The following ZP2 variants were observed in gnomAD, a reference collection of about 807,000 sequenced individuals.
ZP2 encodes zona pellucida glycoprotein 2, also known as zona pellucida sperm-binding protein 2.
A neutral mutation model predicts 84.0 loss-of-function variants in ZP2; 51 were observed. That is an observed-to-expected ratio of 0.61 (90% CI 0.49 to 0.77). The LOEUF is 0.77. Among genes scored for constraint, ZP2 ranks in the 30% least tolerant of loss-of-function variants. The pLI is 0.00. For missense variants in ZP2, 909 were observed against 911.9 expected (o/e 1.00, Z 0.04); for synonymous variants, 375 against 330.9 (o/e 1.13, Z -1.45).
At chr16:21,211,417 G>A (rs201699061) in intron 1 of ZP2, 22 bp from the exon 2 acceptor site, 139 of 1,614,114 alleles carry the variant, frequency 8.6e-5, no homozygotes, top group Admixed American at 4.2e-4. Flanking sequence ...CAGGGAGATA[G>A]TCAAGGAAGA....
chr16:21,211,846 C>A, upstream of ZP2: 3 of 1,280,478 alleles, frequency 2.3e-6, no homozygotes, highest in Non-Finnish European at 3.0e-6. Context: ...ATCTTTTGGG[C>A]AAATTATTTA....
Position 21,199,318 on chromosome 16 carries a change from C to CAAAAAAAAA in ZP2, c.1927+243_1927+251dup, listed in dbSNP as rs10644558. ...CTGGGCAACAAGAGCAAAACTGTCTCAAAAAAAAAAAAAAAAAAAAAAAAA... is the reference window on the plus strand; with the variant it reads ...CTGGGCAACAAGAGCAAAACTGTCTCAAAAAAAAAAAAAAAAAAAAAAAAAAAAAAAAAA... On this transcript the variant is annotated intron_variant, in intron 16 of 18. Transcript: ENST00000574091. 7.9e-4 allele frequency among the ~76,000 whole-genome samples: 36 copies of CAAAAAAAAA among 45,714 alleles called. 4 individuals are homozygous for CAAAAAAAAA. The highest frequency in any genetic ancestry group is 4.0e-3 in the African/African-American group (33 of 8,336). 30.0% of individuals were successfully genotyped at this position (45,714 alleles called of 152,430 possible). A position where few individuals can be genotyped will look rare whatever the true frequency, so the allele number is the denominator to read the frequency against.
intron 4 of ZP2, among the ~76,000 whole-genome samples, chr16:21,207,781 G>A (rs1261515516): frequency 7.9e-5 from 12 of 152,054 alleles, no homozygotes; most frequent in Non-Finnish European, 1.6e-4. Flanking sequence ...GCTTGAGTCC[G>A]GGAGGTAGAG....
chr16:21,206,606 C>T (rs2093250814), intron 5 of ZP2, among the ~76,000 whole-genome samples: 1 of 152,098 alleles, frequency 6.6e-6, no homozygotes, highest in African/African-American at 2.4e-5. Context: ...TGCCAAGTAC[C>T]ATGTATATAC....
At chr16:21,206,797 C>G (rs1453177388) in intron 5 of ZP2, 41 bp downstream of exon 5, 2 of 1,612,470 alleles carry the variant, frequency 1.2e-6, no homozygotes, top group Non-Finnish European at 1.7e-6. Context: ...ATTCCCCCTG[C>G]AGTAGCCATA....
chr16:21,204,289 C>T lies in ZP2; in HGVS notation c.790+19G>A. 2 of 1,613,884 alleles carry T rather than the reference C, an allele frequency of 1.2e-6. No individual in the cohort carries two copies. Among genetic ancestry groups the T allele is most frequent in the South Asian group, 2.2e-5 (2 of 91,056 alleles). The stretch of plus-strand genomic sequence containing the variant: ...GACAATGTCTCCCACACTGAGGTTG[C>T]AGCTATCTGGGACCTTACCTGGTGC... On this transcript the variant is annotated intron_variant, in intron 8 of 18. Transcript: ENST00000574091.
chr16:21,199,927 T>C, intron 14 of ZP2, 49 bp from the exon 15 acceptor site: 1 of 1,605,890 alleles, frequency 6.2e-7, no homozygotes, highest in Non-Finnish European at 8.5e-7. Flanking sequence ...CATCTTGGAG[T>C]CAAATTCAAT....
rs768959725 is a variant in ZP2 at position 21,197,496 on chromosome 16, G to T, written c.2222C>A (p.Thr741Asn). 1 of 1,614,174 alleles carries T rather than the reference G, an allele frequency of 6.2e-7. No individual in the cohort carries two copies. The highest frequency in any genetic ancestry group is 8.5e-7 in the Non-Finnish European group (1 of 1,180,020). ...GFIYYLYEKRTVSNH is the reference protein window; with the variant it reads ...GFIYYLYEKRNVSNH ...GAAGCCCATTTAGTGATTTGACACA[G>T]TCCTTTTCTCGTACAGGTAGTAGAT... Residue 741 changes from threonine to asparagine, a missense_variant, in exon 19 of 19, where the codon ACT becomes AAT. Coordinates refer to ENST00000574091, the MANE Select transcript of ZP2 (RefSeq NM_001376232.1).
Position 21,202,085 on chromosome 16 carries a change from G to T in ZP2, c.1287+19C>A. 1 of 1,613,186 alleles carries T rather than the reference G, an allele frequency of 6.2e-7. No homozygotes were observed. The highest frequency in any genetic ancestry group is 1.1e-5 in the South Asian group (1 of 91,052). On this transcript the variant is annotated intron_variant, in intron 11 of 18. Transcript: ENST00000574091. ...TGTCAAAGATGAGACTTAACCTCGT[G>T]CCATCTGCCAGTACTAACCTTATAT...
chr16:21,197,696 C>T, intron 18 of ZP2, 70 bp downstream of exon 18: 1 of 1,612,580 alleles, frequency 6.2e-7, no homozygotes, highest in Non-Finnish European at 8.5e-7. Flanking sequence ...ATAAGGCTCC[C>T]CAGAGAAGGG....
Position 21,199,854 on chromosome 16 carries a change from G to A in ZP2, c.1719C>T (p.Tyr573=). The A allele has an allele frequency of 6.2e-7, 1 of 1,612,794 alleles. No individual in the cohort carries two copies. The highest frequency in any genetic ancestry group is 8.5e-7 in the Non-Finnish European group (1 of 1,180,000). The change falls in exon 15 of 19, where the codon TAC becomes TAT. Residue 573 remains tyrosine (Y), a synonymous_variant. Transcript: ENST00000574091. ...AGCCGACTGGATGGAAGGTGGTCTG[G>A]TAGTTGTCCAGGTCATATGCACAGC... ...VDGCAYDLDN[Y]QTTFHPVGSS...
chr16:21,213,024 A>G (rs926292417), upstream of ZP2, among the ~76,000 whole-genome samples: 9 of 152,310 alleles, frequency 5.9e-5, 1 homozygote, highest in South Asian at 1.7e-3. Context: ...AAGTGATTGC[A>G]GTTTTTGCCG....
At chr16:21,203,024 A>T (rs967051592) in intron 10 of ZP2, 101 bp downstream of exon 10, 1 of 1,409,690 alleles carries the variant, frequency 7.1e-7, no homozygotes, top group South Asian at 1.4e-5. Context: ...TCTTCAGTCT[A>T]TAAGCAATAG....
Position 21,206,951 on chromosome 16 carries a change from T to C in ZP2, c.370A>G (p.Ser124Gly). 1 of 1,614,172 alleles carries C rather than the reference T, an allele frequency of 6.2e-7. No individual in the cohort carries two copies. The highest frequency in any genetic ancestry group is 8.5e-7 in the Non-Finnish European group (1 of 1,180,014). Residue 124 changes from serine (S) to glycine (G), a missense_variant, in exon 5 of 19, where the codon AGT becomes GGT. Transcript: ENST00000574091. ...ACAGCTCCGTGTCTTAAGGCAGCAC[T>C]GTTGTTCATGACTCTGATGGTCATC... ...HQMTIRVMNNSAALRHGAVMY... is the reference protein window; with the variant it reads ...HQMTIRVMNNGAALRHGAVMY...
intron 18 of ZP2, 38 bp downstream of exon 18, chr16:21,197,728 G>C: frequency 6.2e-7 from 1 of 1,613,400 alleles, no homozygotes; most frequent in Non-Finnish European, 8.5e-7. Flanking sequence ...GCCTTCAACA[G>C]GCTTATTTCA....
chr16:21,203,932 G>C (rs2093237436), intron 9 of ZP2, 98 bp downstream of exon 9: 1 of 1,339,412 alleles, frequency 7.5e-7, no homozygotes, highest in Non-Finnish European at 1.1e-6. Context: ...TTGGCAATTA[G>C]AGCTCACGGG....
At chr16:21,205,202 G>A (rs981188070) in intron 7 of ZP2, among the ~76,000 whole-genome samples, 18 of 152,072 alleles carry the variant, frequency 1.2e-4, no homozygotes, top group African/African-American at 2.7e-4. Flanking sequence ...AGGGTTGGCC[G>A]GGCTGGTCTT....
chr16:21,203,866 T>C (rs890249569), intron 9 of ZP2, 164 bp downstream of exon 9: 3 of 683,170 alleles, frequency 4.4e-6, no homozygotes, highest in Non-Finnish European at 7.4e-6. Context: ...AGTTACTTGA[T>C]ATTTCACTTA....
In ZP2 at chr16:21,201,965, G is replaced by A. The variant is rs1315382716; in HGVS notation, c.1346C>T (p.Pro449Leu). The change falls in exon 12 of 19, where the codon CCT becomes CTT. Residue 449 changes from proline to leucine, a missense_variant. Physicochemically the swap from Pro to Leu is moderately conservative, Grantham distance 98. Coordinates refer to ENST00000574091, the MANE Select transcript of ZP2 (RefSeq NM_001376232.1). The part of the protein sequence containing the change: ...NEIHALWTDF[P>L]PSKISRDSEF... ...ACTGTCTCTAGATATTTTGCTTGGA[G>A]GAAAATCCGTCCAGAGAGCATGTAT... 1.2e-6 allele frequency: 2 copies of A among 1,614,036 alleles called. No homozygotes were observed. The highest frequency in any genetic ancestry group is 1.7e-6 in the Non-Finnish European group (2 of 1,179,982).
Sources: allele counts gnomAD v4.1 joint callset (sites outside exome capture counted in the v4.1 genomes callset), GRCh38; gene constraint gnomAD v4.1.1; transcripts MANE v1.5; gene names NCBI Gene and HGNC (gene_info 2026-07-23, HGNC 2026-07-21).